Variants in NRG1 observed in about 807,000 individuals in gnomAD.
The protein encoded by NRG1 is pro-neuregulin-1, membrane-bound isoform.
Under a neutral mutation model 63.8 loss-of-function variants are expected in NRG1, and 18 were observed. That is an observed-to-expected ratio of 0.28 (90% CI 0.19 to 0.42). The LOEUF (loss-of-function observed/expected upper bound fraction) is 0.42, where lower values mean the gene tolerates loss of function less well. NRG1 is among the 10% of genes least tolerant of loss of function. The pLI, the probability that NRG1 is intolerant of heterozygous loss-of-function variation, is 1.00. For missense variants in NRG1, 762 were observed against 814.7 expected (o/e 0.94, Z 0.79); for synonymous variants, 302 against 301.3 (o/e 1.00, Z -0.02).
At chr8:31,990,595 T>C (rs990134985) in intron 1 of NRG1, among the ~76,000 whole-genome samples, 4 of 152,112 alleles carry the variant, frequency 2.6e-5, no homozygotes, top group Non-Finnish European at 4.4e-5. Flanking sequence ...GATTCTTTGT[T>C]TGTTTTCTTT....
intron 1 of NRG1, among the ~76,000 whole-genome samples, chr8:31,718,293 A>C (rs561635640): frequency 1.3e-5 from 2 of 152,138 alleles, no homozygotes; most frequent in Non-Finnish European, 2.9e-5. Context: ...TTCCCTAAGT[A>C]CCTGCTTCGA....
chr8:32,083,329 A>C (rs1482956335), intron 1 of NRG1, among the ~76,000 whole-genome samples: 2 of 152,214 alleles, frequency 1.3e-5, no homozygotes, highest in Admixed American at 1.3e-4. Flanking sequence ...CTTTAGGCCA[A>C]GTGTGTTGGG....
intron 1 of NRG1, among the ~76,000 whole-genome samples, chr8:32,303,430 A>G (rs1855842465): frequency 1.3e-5 from 2 of 152,154 alleles, no homozygotes; most frequent in South Asian, 2.1e-4. Flanking sequence ...GCTACAGAAC[A>G]TGCTTGGAAG....
At chr8:32,492,147 T>C (rs1379232802) in intron 1 of NRG1, among the ~76,000 whole-genome samples, 1 of 152,160 alleles carries the variant, frequency 6.6e-6, no homozygotes, top group African/African-American at 2.4e-5. Flanking sequence ...AACATTTTTT[T>C]CCCAGTCATG....
chr8:32,212,473 A>C (rs954837401), intron 1 of NRG1, among the ~76,000 whole-genome samples: 10 of 152,184 alleles, frequency 6.6e-5, no homozygotes, highest in Admixed American at 3.9e-4. Flanking sequence ...TGATGGGAAA[A>C]TTAAAATTTT....
chr8:32,724,916 T>A (rs1655547543), intron 5 of NRG1, among the ~76,000 whole-genome samples: 1 of 152,218 alleles, frequency 6.6e-6, no homozygotes, highest in African/African-American at 2.4e-5. Context: ...TAAATGACTA[T>A]GTCAGAGCTA....
chr8:31,999,109 AC>A (rs1326128944), intron 1 of NRG1, among the ~76,000 whole-genome samples: 2 of 151,870 alleles, frequency 1.3e-5, no homozygotes, highest in African/African-American at 4.8e-5. Flanking sequence ...AAATGCACTG[AC>A]CTTCTGTAAA....
At chr8:32,282,705 T>G (rs1853018601) in intron 1 of NRG1, among the ~76,000 whole-genome samples, 1 of 152,204 alleles carries the variant, frequency 6.6e-6, no homozygotes. Context: ...ACAGGTTGCT[T>G]AACCCTTAAA....
intron 1 of NRG1, among the ~76,000 whole-genome samples, chr8:32,563,343 C>T (rs10092801): frequency 0.59 from 90,061 of 152,068 alleles, 27,170 homozygotes; most frequent in East Asian, 0.85. Flanking sequence ...TAGGAAACAG[C>T]TTATCTTCTA....
At chr8:32,528,923 C>A (rs1302327784) in intron 1 of NRG1, among the ~76,000 whole-genome samples, 1 of 152,148 alleles carries the variant, frequency 6.6e-6, no homozygotes, top group East Asian at 1.9e-4. Context: ...CACTAAATAA[C>A]TGATTGATAC....
At chr8:32,222,870 GT>G (rs1274198618) in intron 1 of NRG1, among the ~76,000 whole-genome samples, 1 of 152,184 alleles carries the variant, frequency 6.6e-6, no homozygotes, top group Non-Finnish European at 1.5e-5. Context: ...AGTCTTGCCT[GT>G]TTTAAGTAGA....
chr8:32,171,417 G>A (rs1214820489), intron 1 of NRG1: 1 of 152,354 alleles, frequency 6.6e-6, no homozygotes, highest in Non-Finnish European at 1.5e-5. Context: ...CTCCCAGCAT[G>A]AGCGACGCAG....
chr8:32,504,266 C>T (rs1448518509), intron 1 of NRG1, among the ~76,000 whole-genome samples: 1 of 152,130 alleles, frequency 6.6e-6, no homozygotes, highest in East Asian at 1.9e-4. Context: ...ACCTGATGGT[C>T]GTCTGACATT....
intron 1 of NRG1, among the ~76,000 whole-genome samples, chr8:32,127,570 A>G (rs1244998884): frequency 3.6e-5 from 5 of 137,920 alleles, no homozygotes; most frequent in East Asian, 2.0e-4. Flanking sequence ...TAGAAATTCA[A>G]AAAAAATGAG....
At chr8:32,124,190 C>T (rs551253453) in intron 1 of NRG1, among the ~76,000 whole-genome samples, 2 of 152,008 alleles carry the variant, frequency 1.3e-5, no homozygotes, top group African/African-American at 4.8e-5. Flanking sequence ...CATTTTATTC[C>T]TTCATTACTT....
intron 1 of NRG1, among the ~76,000 whole-genome samples, chr8:32,210,863 CT>C (rs1275317565): frequency 1.3e-5 from 2 of 152,288 alleles, no homozygotes; most frequent in East Asian, 3.9e-4. Context: ...GATATTCTCT[CT>C]TTCTTCTTTA....
chr8:32,054,918 C>T (rs546101817), intron 1 of NRG1, among the ~76,000 whole-genome samples: 9 of 107,240 alleles, frequency 8.4e-5, no homozygotes, highest in East Asian at 3.1e-4. Context: ...AGATGAGTCT[C>T]GCTCTGTCAC....
chr8:32,656,625 G>A (rs781141752), intron 5 of NRG1, among the ~76,000 whole-genome samples: 22 of 152,262 alleles, frequency 1.4e-4, no homozygotes, highest in Admixed American at 2.0e-4. Flanking sequence ...CTAGAAATAT[G>A]TGAGATCCTT....
chr8:31,778,749 T>G (rs1271266719), intron 1 of NRG1, among the ~76,000 whole-genome samples: 1 of 152,228 alleles, frequency 6.6e-6, no homozygotes, highest in East Asian at 1.9e-4. Flanking sequence ...TATGCTGAAG[T>G]GCATTTTGCC....
Sources: allele counts gnomAD v4.1 joint callset (sites outside exome capture counted in the v4.1 genomes callset), GRCh38; gene constraint gnomAD v4.1.1; transcripts MANE v1.5; gene names NCBI Gene and HGNC (gene_info 2026-07-23, HGNC 2026-07-21).